The following THADA variants were observed in gnomAD, a reference collection of about 807,000 sequenced individuals.
THADA encodes tRNA (32-2'-O)-methyltransferase regulator THADA.
In THADA, 213 loss-of-function variants were observed where a neutral mutation model predicts 219.8. The ratio of observed to expected loss-of-function variants is 0.97; its 90% CI spans 0.87 to 1.09. The LOEUF is 1.09. Ranked by LOEUF, THADA falls within the 50% of genes least tolerant of loss-of-function variation. THADA has a pLI of 0.00. For synonymous variants in THADA, 1,018 were observed against 828.9 expected, an observed-to-expected ratio of 1.23 and a Z score of -3.92; for missense variants, 2,956 against 2,311.3, an observed-to-expected ratio of 1.28 and a Z score of -5.72.
intron 36 of THADA, among the ~76,000 whole-genome samples, chr2:43,278,827 C>T (rs1269349343): frequency 6.6e-6 from 1 of 152,176 alleles, no homozygotes; most frequent in Non-Finnish European, 1.5e-5. Context: ...TGATGAGGGG[C>T]CTTGCATCAA....
intron 26 of THADA, among the ~76,000 whole-genome samples, chr2:43,436,083 G>C (rs1260222877): frequency 6.6e-6 from 1 of 152,102 alleles, no homozygotes; most frequent in African/African-American, 2.4e-5. Context: ...AGCTTGTTGA[G>C]TCTTCCTAAA....
At chr2:43,297,759 T>G (rs1247280198) in intron 31 of THADA, among the ~76,000 whole-genome samples, 1 of 100,370 alleles carries the variant, frequency 1.0e-5, no homozygotes. Flanking sequence ...AGCCGCCCCG[T>G]CCGGGAGGGA....
At chr2:43,408,842 C>T (rs540777595) in intron 28 of THADA, among the ~76,000 whole-genome samples, 1 of 152,222 alleles carries the variant, frequency 6.6e-6, no homozygotes, top group Admixed American at 6.5e-5. Flanking sequence ...AATATTGATG[C>T]TAATAATAAA....
At chr2:43,576,954 T>G (rs1699918322) in intron 10 of THADA, 68 bp downstream of exon 10, 1 of 1,426,030 alleles carries the variant, frequency 7.0e-7, no homozygotes, top group Non-Finnish European at 9.7e-7. Flanking sequence ...CCACTCCAGC[T>G]TTTGGACTGC....
chr2:43,571,722 A>C lies in THADA; in HGVS notation c.2049T>G (p.Cys683Trp). The C allele has an allele frequency of 2.5e-6, 4 of 1,613,572 alleles. No individual in the cohort carries two copies. Among genetic ancestry groups the C allele is most frequent in the Non-Finnish European group, 2.5e-6 (3 of 1,179,692 alleles). Reference sequence around the variant, plus strand: ...GAAATTCTACCTTTTTAAGAAGAGAACAGATCTGTTGCCGCACTCCTGGAG... The same window carrying C: ...GAAATTCTACCTTTTTAAGAAGAGACCAGATCTGTTGCCGCACTCCTGGAG... ...SQSPGVRQQICSLLKKLFCRI... is the reference protein window; with the variant it reads ...SQSPGVRQQIWSLLKKLFCRI... Residue 683 changes from cysteine (C) to tryptophan (W), a missense_variant, in exon 13 of 38, where the codon TGT becomes TGG. Transcript: ENST00000405975.
chr2:43,524,136 G>A (rs1460607828), intron 22 of THADA, among the ~76,000 whole-genome samples: 1 of 152,118 alleles, frequency 6.6e-6, no homozygotes, highest in South Asian at 2.1e-4. Flanking sequence ...TTTTTAAGGA[G>A]AACAGGAATA....
chr2:43,281,209 T>C (rs760372612), intron 35 of THADA, among the ~76,000 whole-genome samples: 2 of 152,214 alleles, frequency 1.3e-5, no homozygotes, highest in Non-Finnish European at 2.9e-5. Context: ...TGGCTCCATT[T>C]GGGGTTTCGT....
At chr2:43,281,181 T>A (rs989932400) in intron 35 of THADA, among the ~76,000 whole-genome samples, 37 of 152,324 alleles carry the variant, frequency 2.4e-4, no homozygotes, top group Middle Eastern at 3.4e-3. Flanking sequence ...GATGCTTTAG[T>A]CATACCAATA....
intron 25 of THADA, chr2:43,491,904 T>C (rs1404981932): frequency 6.6e-6 from 1 of 152,224 alleles, no homozygotes; most frequent in African/African-American, 2.4e-5. Flanking sequence ...TGATAGGAAC[T>C]TGGAATTCAA....
chr2:43,566,897 T>G, intron 14 of THADA, 76 bp from the exon 15 acceptor site: 1 of 1,004,530 alleles, frequency 1.0e-6, no homozygotes, highest in Non-Finnish European at 1.3e-6. Flanking sequence ...AAACACCCTT[T>G]AAGAGTGGGT....
At chr2:43,498,223 G>A (rs1162538383) in intron 25 of THADA, among the ~76,000 whole-genome samples, 2 of 152,142 alleles carry the variant, frequency 1.3e-5, no homozygotes, top group African/African-American at 2.4e-5. Flanking sequence ...TACTAGGGGT[G>A]AGGGAGATGA....
intron 30 of THADA, among the ~76,000 whole-genome samples, chr2:43,329,164 T>C (rs892075233): frequency 3.3e-5 from 5 of 152,196 alleles, no homozygotes; most frequent in African/African-American, 7.2e-5. Flanking sequence ...GCCAGAGTAA[T>C]TGCTGGTTAA....
At chr2:43,590,374 T>C (rs1172770585) in intron 4 of THADA, among the ~76,000 whole-genome samples, 2 of 152,150 alleles carry the variant, frequency 1.3e-5, no homozygotes, top group East Asian at 1.9e-4. Context: ...AGGCTTTTTA[T>C]ACTTTTAAAA....
rs539309184 is a variant in THADA at position 43,495,713 on chromosome 2, C to T, written c.3744+3120G>A. Among the ~76,000 whole-genome samples the T allele has an allele frequency of 7.9e-5, 12 of 152,276 alleles. No homozygotes were observed. The East Asian group carries it at 2.3e-3, about 29-fold the overall frequency. The stretch of plus-strand genomic sequence containing the variant: ...AGGCTTCACTCTCAGAAAGTCCTTT[C>T]ACGGAAAATATTTCTTGGTTCATCT... On this transcript the variant is annotated intron_variant, in intron 25 of 37. Transcript: ENST00000405975.
At chr2:43,529,566 T>C (rs530270500) in intron 21 of THADA, among the ~76,000 whole-genome samples, 2 of 152,320 alleles carry the variant, frequency 1.3e-5, no homozygotes, top group East Asian at 3.9e-4. Flanking sequence ...GACTAAGGTT[T>C]TGAATAGAAT....
chr2:43,567,339 CACA>C lies in THADA; in HGVS notation c.2188-521_2188-519del, dbSNP rs970125127. ...AAGTAAAACAGGATTCACATTAAAA[CACA>C]ACAAGGGCCAGGCGTGGTGGCTCAT... is the stretch of plus-strand genomic sequence containing the variant. On this transcript the variant is annotated intron_variant, in intron 14 of 37. Coordinates refer to ENST00000405975, the MANE Select transcript of THADA (RefSeq NM_022065.5). Among the ~76,000 whole-genome samples the C allele has an allele frequency of 4.3e-4, 65 of 152,152 alleles. 1 individual carries two copies. Among genetic ancestry groups the C allele is most frequent in the Admixed American group, 5.2e-4 (8 of 15,276 alleles).
chr2:43,235,226 C>T (rs572909677), intron 36 of THADA, among the ~76,000 whole-genome samples: 41 of 152,224 alleles, frequency 2.7e-4, no homozygotes, highest in African/African-American at 8.2e-4. Context: ...GTGATTCACC[C>T]GCCTCAGCCT....
Position 43,581,873 on chromosome 2 carries a change from C to G in THADA, c.589G>C (p.Gly197Arg), listed in dbSNP as rs1372425372. 1.2e-6 allele frequency: 2 copies of G among 1,604,636 alleles called. No individual in the cohort carries two copies. The highest frequency in any genetic ancestry group is 2.7e-5 in the African/African-American group (2 of 74,418). Residue 197 changes from glycine (G) to arginine (R), a missense_variant, in exon 8 of 38, where the codon GGC (glycine) becomes CGC (arginine). Coordinates refer to ENST00000405975, the MANE Select transcript of THADA (RefSeq NM_022065.5). ...QTQLMNDLLVGIRVSMMLVQK... is the reference protein window; with the variant it reads ...QTQLMNDLLVRIRVSMMLVQK... ...ACTAACATCATTGAAACTCTAATGCCTACCAGTAAGTCATTCATCAACTGT... is the reference window on the plus strand; with the variant it reads ...ACTAACATCATTGAAACTCTAATGCGTACCAGTAAGTCATTCATCAACTGT...
chr2:43,385,922 T>C (rs569017920), intron 29 of THADA, among the ~76,000 whole-genome samples: 2 of 151,376 alleles, frequency 1.3e-5, no homozygotes, highest in Admixed American at 1.3e-4. Context: ...TTTAGAAATA[T>C]GATTCTCAGG....
Sources: gnomAD v4.1 joint callset for allele counts (sites outside exome capture counted in the v4.1 genomes callset) on GRCh38, gnomAD v4.1.1 for gene constraint, MANE v1.5 for transcripts, NCBI Gene and HGNC (gene_info 2026-07-23, HGNC 2026-07-21) for gene names.